Variants in AOPEP observed in about 807,000 individuals in gnomAD.
AOPEP encodes the protein aminopeptidase O (putative).
In AOPEP, 77 loss-of-function variants were observed where a neutral mutation model predicts 98.1. The ratio of observed to expected loss-of-function variants is 0.78; its 90% CI spans 0.65 to 0.95. The LOEUF (loss-of-function observed/expected upper bound fraction) is 0.95. Ranked by LOEUF, AOPEP falls within the 40% of genes least tolerant of loss-of-function variation. The pLI, the probability that AOPEP is intolerant of heterozygous loss-of-function variation, is 0.00. For missense variants in AOPEP, 1,024 were observed against 1,024.7 expected, an observed-to-expected ratio of 1.00 and a Z score of 0.01; for synonymous variants, 346 against 365.3, an observed-to-expected ratio of 0.95 and a Z score of 0.60.
intron 5 of AOPEP, among the ~76,000 whole-genome samples, chr9:94,851,291 G>A (rs1231572351): frequency 2.6e-5 from 4 of 152,114 alleles, no homozygotes; most frequent in African/African-American, 9.7e-5. Context: ...TCCCACGCCC[G>A]TTACCTCCAC....
chr9:94,939,281 T>A (rs2056723116), intron 7 of AOPEP, among the ~76,000 whole-genome samples: 1 of 150,730 alleles, frequency 6.6e-6, no homozygotes, highest in African/African-American at 2.4e-5. Flanking sequence ...CTTCTAATAA[T>A]ACAATGTAAA....
chr9:94,931,568 G>C (rs1044757803), intron 7 of AOPEP: 22 of 602,876 alleles, frequency 3.6e-5, no homozygotes, highest in Middle Eastern at 3.1e-4. Flanking sequence ...GTAAAAATTT[G>C]TTCTCAGATT....
At chr9:94,819,554 C>T (rs886537441) in intron 5 of AOPEP, among the ~76,000 whole-genome samples, 1 of 152,174 alleles carries the variant, frequency 6.6e-6, no homozygotes, top group African/African-American at 2.4e-5. Flanking sequence ...TGGAATGTCT[C>T]AAGACACTTT....
intron 5 of AOPEP, among the ~76,000 whole-genome samples, chr9:94,893,481 C>T (rs2049103675): frequency 6.6e-6 from 1 of 152,128 alleles, no homozygotes; most frequent in Non-Finnish European, 1.5e-5. Flanking sequence ...AATGAGAAGA[C>T]ATTTGAGAAA....
At chr9:94,788,650 G>C (rs185669355) in intron 3 of AOPEP, among the ~76,000 whole-genome samples, 1 of 152,300 alleles carries the variant, frequency 6.6e-6, no homozygotes, top group African/African-American at 2.4e-5. Flanking sequence ...TCAACCATCA[G>C]CTTCACCATA....
intron 5 of AOPEP, among the ~76,000 whole-genome samples, chr9:94,831,834 T>C (rs2134468206): frequency 6.6e-6 from 1 of 151,998 alleles, no homozygotes; most frequent in African/African-American, 2.4e-5. Context: ...AAGGATTTCC[T>C]CAAGGAGAAC....
At chr9:94,820,784 G>T (rs539114205) in intron 5 of AOPEP, among the ~76,000 whole-genome samples, 2 of 152,186 alleles carry the variant, frequency 1.3e-5, no homozygotes, top group Non-Finnish European at 2.9e-5. Context: ...AAAAGCAGTA[G>T]AATATCAGCA....
intron 11 of AOPEP, among the ~76,000 whole-genome samples, chr9:94,986,138 C>G (rs1643371853): frequency 6.6e-6 from 1 of 152,176 alleles, no homozygotes; most frequent in South Asian, 2.1e-4. Context: ...AAGGTGCCAA[C>G]AGCGTTGGTT....
chr9:95,050,155 C>T (rs2066215428), intron 13 of AOPEP, among the ~76,000 whole-genome samples: 1 of 152,208 alleles, frequency 6.6e-6, no homozygotes, highest in Non-Finnish European at 1.5e-5. Context: ...AATTATTCAG[C>T]TATTTGTGCA....
rs941427781 is a variant in AOPEP, at chr9:95,080,277, C to T, written c.2233-417C>T. On this transcript the variant is annotated intron_variant, in intron 14 of 16. Coordinates refer to ENST00000375315, the MANE Select transcript of AOPEP (RefSeq NM_001193329.3). The stretch of plus-strand genomic sequence containing the variant: ...GCACGGTGGCTGACGCCTGTAATCC[C>T]AGCACTTTGAGAGGCTGGGGCGGGC... Among the ~76,000 whole-genome samples the T allele has an allele frequency of 2.2e-4, 34 of 152,234 alleles. 1 individual carries two copies. The highest frequency in any genetic ancestry group is 2.2e-3 in the Admixed American group (34 of 15,296).
At chr9:95,066,832 A>G (rs1195848290) in intron 14 of AOPEP, among the ~76,000 whole-genome samples, 1 of 152,196 alleles carries the variant, frequency 6.6e-6, no homozygotes, top group Non-Finnish European at 1.5e-5. Context: ...TTGTGTGTCC[A>G]AAGGCTTCTC....
intron 13 of AOPEP, among the ~76,000 whole-genome samples, chr9:95,025,180 G>A (rs1676226846): frequency 6.6e-6 from 1 of 152,200 alleles, no homozygotes; most frequent in African/African-American, 2.4e-5. Context: ...TGGTGCATGT[G>A]TCATGGTCTT....
chr9:94,918,910 A>C (rs1326047725), intron 5 of AOPEP, among the ~76,000 whole-genome samples: 3 of 148,056 alleles, frequency 2.0e-5, no homozygotes, highest in African/African-American at 5.0e-5. Context: ...TTTTTTTTTT[A>C]ATTTTAATTT....
chr9:95,134,811 G>A, the AOPEP span, among the ~76,000 whole-genome samples: 1 of 152,254 alleles, frequency 6.6e-6, no homozygotes, highest in Admixed American at 6.5e-5. Flanking sequence ...CAGCTGCACA[G>A]TCCTGAGCGG....
intron 9 of AOPEP, among the ~76,000 whole-genome samples, chr9:94,957,189 C>T (rs1372215509): frequency 1.3e-5 from 2 of 152,078 alleles, no homozygotes; most frequent in Admixed American, 6.6e-5. Flanking sequence ...TTCAGTTCTT[C>T]GTTTGCTTCT....
At chr9:95,063,461 G>A (rs1190079574) in intron 14 of AOPEP, among the ~76,000 whole-genome samples, 3 of 151,920 alleles carry the variant, frequency 2.0e-5, no homozygotes, top group African/African-American at 4.8e-5. Flanking sequence ...TCCACTGAGC[G>A]CTTTTAGATC....
At chr9:95,085,348 A>G in intron 16 of AOPEP, 1 of 486,408 alleles carries the variant, frequency 2.1e-6, no homozygotes, top group Non-Finnish European at 4.3e-6. Context: ...AGATTGGAGA[A>G]CAGGTGCATC....
intron 13 of AOPEP, among the ~76,000 whole-genome samples, chr9:95,041,235 G>A (rs2065262747): frequency 6.6e-6 from 1 of 152,128 alleles, no homozygotes; most frequent in South Asian, 2.1e-4. Flanking sequence ...AACATTTGGG[G>A]CCAAAGAAAG....
chr9:94,901,678 T>A (rs2050425496), intron 5 of AOPEP, among the ~76,000 whole-genome samples: 1 of 152,186 alleles, frequency 6.6e-6, no homozygotes, highest in Admixed American at 6.5e-5. Context: ...CAGTGGCACA[T>A]GCCTGTAATC....
Sources: gnomAD v4.1 joint callset for allele counts (sites outside exome capture counted in the v4.1 genomes callset) on GRCh38, gnomAD v4.1.1 for gene constraint, MANE v1.5 for transcripts, NCBI Gene and HGNC (gene_info 2026-07-23, HGNC 2026-07-21) for gene names.